The following PLCE1 variants were observed in gnomAD, a reference collection of about 807,000 sequenced individuals.
The protein encoded by PLCE1 is 1-phosphatidylinositol 4,5-bisphosphate phosphodiesterase epsilon-1.
In PLCE1, 119 loss-of-function variants were observed where a neutral mutation model predicts 242.8. That is an observed-to-expected ratio of 0.49 (90% CI 0.42 to 0.57). The LOEUF is 0.57. Among genes scored for constraint, PLCE1 ranks in the 20% least tolerant of loss-of-function variants. The probability of loss-of-function intolerance (pLI) is 0.00; values close to 1 mark genes in which losing one functional copy is unlikely to be tolerated. For missense variants in PLCE1, 2,441 were observed against 2,788.8 expected (o/e 0.88, Z 2.81); for synonymous variants, 945 against 1,017.4 (o/e 0.93, Z 1.35).
chr10:94,206,734 GCT>G (rs1460489441), intron 4 of PLCE1, among the ~76,000 whole-genome samples: 1 of 152,212 alleles, frequency 6.6e-6, no homozygotes, highest in African/African-American at 2.4e-5. Context: ...TTGACATGCT[GCT>G]CTGAGGAGCC....
In PLCE1 at chr10:94,227,394, A is replaced by C; in HGVS notation, c.1898A>C (p.Lys633Thr). The change falls in exon 5 of 33, where the codon AAA (lysine) becomes ACA (threonine). Residue 633 changes from lysine (K) to threonine (T), a missense_variant. Coordinates refer to ENST00000371380, the MANE Select transcript of PLCE1 (RefSeq NM_016341.4). ...TTTTCATATTTGGTGCATGTGGCCA[A>C]ATGCTGCTGGAACATGGGCAACTAC... Reference protein sequence around the residue: ...EVFSYLVHVAKCCWNMGNYNA... With the variant: ...EVFSYLVHVATCCWNMGNYNA... 1 of 1,614,018 alleles carries C rather than the reference A, an allele frequency of 6.2e-7. No homozygotes were observed. The highest frequency in any genetic ancestry group is 1.1e-5 in the South Asian group (1 of 91,074).
At chr10:94,203,347 A>G (rs1273959967) in intron 4 of PLCE1, among the ~76,000 whole-genome samples, 1 of 152,140 alleles carries the variant, frequency 6.6e-6, no homozygotes, top group African/African-American at 2.4e-5. Context: ...CCATCTTTAC[A>G]TTTGCTACAT....
chr10:94,135,728 A>T (rs1197235457), intron 3 of PLCE1, among the ~76,000 whole-genome samples: 1 of 152,246 alleles, frequency 6.6e-6, no homozygotes. Flanking sequence ...ATTAGCCTCA[A>T]AGAAAAAGCA....
At chr10:94,262,770 C>A in intron 14 of PLCE1, 38 bp downstream of exon 14, 2 of 1,262,400 alleles carry the variant, frequency 1.6e-6, no homozygotes, top group Non-Finnish European at 2.3e-6. Context: ...GTGTGTGATG[C>A]CTCTGGCTAT....
intron 2 of PLCE1, among the ~76,000 whole-genome samples, chr10:94,033,519 A>G (rs1248031509): frequency 4.6e-5 from 7 of 152,134 alleles, no homozygotes; most frequent in Non-Finnish European, 4.4e-5. Context: ...TTTGTTGCTT[A>G]TATTCAGAAT....
At chr10:94,233,357 A>T (rs369543293) in intron 5 of PLCE1, among the ~76,000 whole-genome samples, 55 of 152,326 alleles carry the variant, frequency 3.6e-4, no homozygotes, top group African/African-American at 1.3e-3. Context: ...GACTGGATTG[A>T]TCCAAGAGTA....
At chr10:94,157,567 A>G (rs2047472669) in intron 3 of PLCE1, among the ~76,000 whole-genome samples, 1 of 152,216 alleles carries the variant, frequency 6.6e-6, no homozygotes. Context: ...GCAGTAGAGT[A>G]TGGAGGCAGT....
chr10:94,250,497 T>A (rs545073303), intron 8 of PLCE1, among the ~76,000 whole-genome samples: 5 of 151,364 alleles, frequency 3.3e-5, no homozygotes, highest in African/African-American at 1.2e-4. Context: ...GGAGACTCCA[T>A]CTCCAAGAAA....
At chr10:94,135,021 A>G (rs2046723555) in intron 3 of PLCE1, among the ~76,000 whole-genome samples, 1 of 152,170 alleles carries the variant, frequency 6.6e-6, no homozygotes, top group East Asian at 1.9e-4. Context: ...ACATTTTTCA[A>G]TTTCAGCATC....
chr10:94,042,020 G>A (rs2061778514), intron 2 of PLCE1, among the ~76,000 whole-genome samples: 1 of 152,096 alleles, frequency 6.6e-6, no homozygotes, highest in South Asian at 2.1e-4. Flanking sequence ...ATTGCCTGCT[G>A]TATGTCAGGC....
intron 3 of PLCE1, among the ~76,000 whole-genome samples, chr10:94,145,418 C>T (rs2047083452): frequency 6.6e-6 from 1 of 152,210 alleles, no homozygotes; most frequent in Non-Finnish European, 1.5e-5. Context: ...ATGCCATACT[C>T]ACTGATGACT....
chr10:94,267,270 C>G (rs1477435160), intron 16 of PLCE1, among the ~76,000 whole-genome samples: 2 of 152,160 alleles, frequency 1.3e-5, no homozygotes, highest in Non-Finnish European at 2.9e-5. Context: ...GGGAAATAAA[C>G]AAGGACCAGT....
intron 2 of PLCE1, among the ~76,000 whole-genome samples, chr10:94,119,728 A>C (rs1394115909): frequency 6.6e-6 from 1 of 152,160 alleles, no homozygotes; most frequent in African/African-American, 2.4e-5. Context: ...GCTGTAATAC[A>C]ATTGCCCATT....
chr10:94,141,276 C>T (rs2136006494), intron 3 of PLCE1, among the ~76,000 whole-genome samples: 1 of 152,356 alleles, frequency 6.6e-6, no homozygotes, highest in East Asian at 1.9e-4. Context: ...GTGACTCCGT[C>T]ACCAGGTGTG....
Position 94,150,833 on chromosome 10 carries a change from A to T in PLCE1, c.1492+18374A>T, listed in dbSNP as rs146440915. 5.4e-3 allele frequency among the ~76,000 whole-genome samples: 825 copies of T among 152,252 alleles called. 7 individuals carry two copies. The highest frequency in any genetic ancestry group is 0.017 in the African/African-American group (727 of 41,550). ...AAGCCCTGGGGAGGCCTCTGGTTGGAGGAAGCATCTGCAGTGAGTGAAGGT... is the reference window on the plus strand; with the variant it reads ...AAGCCCTGGGGAGGCCTCTGGTTGGTGGAAGCATCTGCAGTGAGTGAAGGT... On this transcript the variant is annotated intron_variant, in intron 3 of 32. Coordinates refer to ENST00000371380, the MANE Select transcript of PLCE1 (RefSeq NM_016341.4).
At chr10:94,280,238 T>TC (rs1434153079) in intron 20 of PLCE1, 6 of 376,664 alleles carry the variant, frequency 1.6e-5, no homozygotes, top group Non-Finnish European at 3.0e-5. Flanking sequence ...TTGGCAGGAG[T>TC]CGTAGACTGA....
intron 30 of PLCE1, among the ~76,000 whole-genome samples, chr10:94,322,661 T>C (rs966718059): frequency 2.0e-5 from 3 of 152,058 alleles, no homozygotes; most frequent in Non-Finnish European, 2.9e-5. Context: ...GGCAGGCACC[T>C]GTAATCCCAG....
chr10:94,059,514 T>C (rs1454504959), intron 2 of PLCE1, among the ~76,000 whole-genome samples: 1 of 152,036 alleles, frequency 6.6e-6, no homozygotes, highest in Non-Finnish European at 1.5e-5. Flanking sequence ...TGTGCAGAAA[T>C]AGTGATTTAG....
chr10:94,254,947 C>G lies in PLCE1; in HGVS notation c.3452C>G (p.Ser1151Cys), dbSNP rs1372617995. ...CCCCTCCCTTCCAGAAGAGCCCACT[C>G]TTTGACCACAGCTGGGTCCCCCAAC... ...PNPLPSRRAH[S>C]LTTAGSPNLA... Residue 1151 changes from serine to cysteine, a missense_variant, in exon 11 of 33, where the codon TCT becomes TGT. Ser to Cys is a moderately radical substitution (Grantham distance 112). Transcript: ENST00000371380. 6.2e-7 allele frequency: 1 copy of G among 1,614,062 alleles called. No homozygotes were observed. The highest frequency in any genetic ancestry group is 2.2e-5 in the East Asian group (1 of 44,882).
Sources: allele counts gnomAD v4.1 joint callset (sites outside exome capture counted in the v4.1 genomes callset), GRCh38; gene constraint gnomAD v4.1.1; transcripts MANE v1.5; gene names NCBI Gene and HGNC (gene_info 2026-07-23, HGNC 2026-07-21).